Variants in KSR2 observed in about 807,000 individuals in gnomAD.
The protein encoded by KSR2 is kinase suppressor of ras 2.
A neutral mutation model predicts 107.8 loss-of-function variants in KSR2; 25 were observed. The observed-to-expected ratio is 0.23, with a 90% CI of 0.17 to 0.32. KSR2 has a LOEUF of 0.32. KSR2 is among the 10% of genes least tolerant of loss of function. The pLI is 1.00. For synonymous variants in KSR2, 480 were observed against 507.0 expected, an observed-to-expected ratio of 0.95 and a Z score of 0.71; for missense variants, 887 against 1,268.9, an observed-to-expected ratio of 0.70 and a Z score of 4.57.
At chr12:117,850,703 A>G (rs1210220614) in intron 3 of KSR2, among the ~76,000 whole-genome samples, 1 of 151,886 alleles carries the variant, frequency 6.6e-6, no homozygotes, top group Non-Finnish European at 1.5e-5. Flanking sequence ...CTAGCTACCC[A>G]GGAGGCTGAG....
chr12:117,761,202 G>A lies in KSR2; in HGVS notation c.795C>T (p.Pro265=), dbSNP rs564049336. ...RHAVRTPPRT[P]NIVTTVTPPG... The stretch of plus-strand genomic sequence containing the variant: ...GCGGGGTCACGGTGGTGACGATGTT[G>A]GGGGTGCGCGGCGGGGTGCGGACCG... Residue 265 remains proline, a synonymous_variant, in exon 4 of 20, where the codon CCC becomes CCT. Transcript: ENST00000339824. 5.1e-6 allele frequency: 8 copies of A among 1,578,112 alleles called. No homozygotes were observed. In the African/African-American group the frequency reaches 5.4e-5, roughly 11 times the overall value.
Position 117,582,311 on chromosome 12 carries a change from A to C in KSR2, c.1220T>G (p.Leu407Arg). Reference protein sequence around the residue: ...RWSPQIPRRDLGNSIKHRFST... With the variant: ...RWSPQIPRRDRGNSIKHRFST... Reference sequence around the variant, plus strand: ...CTACCTGTGCTTGATGGAGTTGCCGAGATCTCTGCGAGGGATCTGCGGGGA... The same window carrying C: ...CTACCTGTGCTTGATGGAGTTGCCGCGATCTCTGCGAGGGATCTGCGGGGA... Residue 407 changes from leucine (L) to arginine (R), a missense_variant, in exon 6 of 20, where the codon CTC (leucine) becomes CGC (arginine). By Grantham distance (102) the Leu-to-Arg change is moderately radical. This residue lies in a region of KSR2 where 399 missense variants were observed against 479.5 expected (regional missense o/e 0.83). Transcript: ENST00000339824. 18 of 1,613,900 alleles carry C rather than the reference A, an allele frequency of 1.1e-5. No individual in the cohort carries two copies. Among genetic ancestry groups the C allele is most frequent in the Non-Finnish European group, 1.5e-5 (18 of 1,179,856 alleles).
intron 5 of KSR2, among the ~76,000 whole-genome samples, chr12:117,640,845 G>A (rs909677750): frequency 1.3e-5 from 2 of 152,174 alleles, no homozygotes; most frequent in African/African-American, 4.8e-5. Context: ...ATTGACTGAT[G>A]AGCAATTTCA....
intron 9 of KSR2, among the ~76,000 whole-genome samples, chr12:117,544,082 C>G (rs1876683344): frequency 6.6e-6 from 1 of 152,198 alleles, no homozygotes; most frequent in Non-Finnish European, 1.5e-5. Context: ...AGATCACATT[C>G]ACAGGTCCTG....
intron 3 of KSR2, among the ~76,000 whole-genome samples, chr12:117,825,298 G>A (rs946691055): frequency 6.6e-6 from 1 of 152,310 alleles, no homozygotes; most frequent in African/African-American, 2.4e-5. Context: ...GGATGGGTGT[G>A]TGCATGGAAG....
chr12:117,855,368 G>A, intron 3 of KSR2, 60 bp downstream of exon 3: 2 of 1,593,886 alleles, frequency 1.3e-6, no homozygotes, highest in Non-Finnish European at 1.7e-6. Flanking sequence ...GGATGCCGAG[G>A]GACCGCGGCA....
At chr12:117,552,235 A>C (rs1216249975) in intron 9 of KSR2, among the ~76,000 whole-genome samples, 1 of 152,244 alleles carries the variant, frequency 6.6e-6, no homozygotes, top group African/African-American at 2.4e-5. Flanking sequence ...TGGGCCAGGA[A>C]GTACACTGAG....
intron 4 of KSR2, among the ~76,000 whole-genome samples, chr12:117,691,253 C>A (rs922109309): frequency 6.6e-6 from 1 of 152,128 alleles, no homozygotes; most frequent in East Asian, 1.9e-4. Flanking sequence ...AACGGGCATC[C>A]CAACTGGTAG....
At chr12:117,930,270 A>G (rs1232708049) in intron 1 of KSR2, among the ~76,000 whole-genome samples, 1 of 152,048 alleles carries the variant, frequency 6.6e-6, no homozygotes, top group African/African-American at 2.4e-5. Context: ...CAGAGCTCCA[A>G]TAATCTGCCT....
At chr12:117,489,461 C>T (rs1872635221) in intron 14 of KSR2, among the ~76,000 whole-genome samples, 1 of 150,632 alleles carries the variant, frequency 6.6e-6, no homozygotes, top group African/African-American at 2.4e-5. Context: ...GAGGGAGGAT[C>T]TCTTGAGTCC....
At chr12:117,749,548 ACT>A (rs1374439739) in intron 4 of KSR2, among the ~76,000 whole-genome samples, 1 of 152,096 alleles carries the variant, frequency 6.6e-6, no homozygotes, top group African/African-American at 2.4e-5. Flanking sequence ...CAAACTAAAT[ACT>A]CTGTTACCCA....
At chr12:117,829,580 C>T (rs1386204459) in intron 3 of KSR2, among the ~76,000 whole-genome samples, 1 of 152,204 alleles carries the variant, frequency 6.6e-6, no homozygotes, top group African/African-American at 2.4e-5. Context: ...TTTACAAGCA[C>T]TCACATCAGA....
chr12:117,680,546 C>T (rs936343214), intron 4 of KSR2, among the ~76,000 whole-genome samples: 1 of 152,164 alleles, frequency 6.6e-6, no homozygotes, highest in African/African-American at 2.4e-5. Context: ...TCCATCTCAT[C>T]TCTCTCTCCT....
chr12:117,912,548 GAA>G (rs764347995), intron 1 of KSR2, among the ~76,000 whole-genome samples: 140 of 152,252 alleles, frequency 9.2e-4, no homozygotes, highest in Non-Finnish European at 1.7e-3. Context: ...TGAAAATGAA[GAA>G]AAATTACATT....
rs557799490 is a variant in KSR2, at chr12:117,816,433, T to C, written c.472+38995A>G. On this transcript the variant is annotated intron_variant, in intron 3 of 19. Coordinates refer to ENST00000339824, the MANE Select transcript of KSR2 (RefSeq NM_173598.6). ...GTGTCCTGTCCCAATTGCTGATCCA[T>C]AGATTCCACAGCATAAGAAAAAGGT... Among the ~76,000 whole-genome samples, 122 of 152,272 alleles carry C rather than the reference T, an allele frequency of 8.0e-4. 2 individuals are homozygous for C. Among genetic ancestry groups the C allele is most frequent in the Admixed American group, 1.2e-3 (19 of 15,288 alleles).
rs56862811 is a variant in KSR2, at chr12:117,777,175, CTA to C, written c.473-15653_473-15652del. On this transcript the variant is annotated intron_variant, in intron 3 of 19. Transcript: ENST00000339824. ...TATATACACACCATACATATATACA[CTA>C]TATATATATATATATAGTTGATTCA... is the stretch of plus-strand genomic sequence containing the variant. Among the ~76,000 whole-genome samples, 522 of 136,756 alleles carry C rather than the reference CTA, an allele frequency of 3.8e-3. 3 individuals are homozygous for C. The highest frequency in any genetic ancestry group is 5.6e-3 in the Non-Finnish European group (365 of 65,016). 89.7% of individuals were successfully genotyped at this position (136,756 alleles called of 152,430 possible). A position where few individuals can be genotyped will look rare whatever the true frequency, so the allele number is the denominator to read the frequency against.
intron 14 of KSR2, among the ~76,000 whole-genome samples, chr12:117,515,071 C>T (rs566148101): frequency 1.3e-5 from 2 of 152,242 alleles, no homozygotes; most frequent in African/African-American, 2.4e-5. Context: ...GCAGAGATCA[C>T]GACACCGTTG....
intron 3 of KSR2, among the ~76,000 whole-genome samples, chr12:117,798,409 G>A (rs1890709959): frequency 6.6e-6 from 1 of 152,208 alleles, no homozygotes; most frequent in African/African-American, 2.4e-5. Context: ...AAGGCAGGCG[G>A]ATCACTTGAG....
At chr12:117,779,720 C>T (rs888558450) in intron 3 of KSR2, among the ~76,000 whole-genome samples, 3 of 152,148 alleles carry the variant, frequency 2.0e-5, no homozygotes, top group Admixed American at 6.5e-5. Context: ...TTCCTGCCGC[C>T]TTGTGAAGGT....
Sources: allele counts gnomAD v4.1 joint callset (sites outside exome capture counted in the v4.1 genomes callset), GRCh38; gene constraint gnomAD v4.1.1; regional missense constraint gnomAD v4.1.1; transcripts MANE v1.5; gene names NCBI Gene and HGNC (gene_info 2026-07-23, HGNC 2026-07-21).